Variants in TTC39C observed in about 807,000 individuals in gnomAD.
The protein encoded by TTC39C is tetratricopeptide repeat domain 39C.
In TTC39C, 33 loss-of-function variants were observed where a neutral mutation model predicts 76.3. The observed-to-expected ratio is 0.43, with a 90% CI of 0.33 to 0.58. The LOEUF (loss-of-function observed/expected upper bound fraction) is 0.58. TTC39C is among the 20% of genes least tolerant of loss of function. The pLI is 0.04. For missense variants in TTC39C, 595 were observed against 701.4 expected (o/e 0.85, Z 1.71); for synonymous variants, 254 against 260.6 (o/e 0.97, Z 0.24).
At chr18:24,085,714 C>T (rs968869308) in intron 6 of TTC39C, among the ~76,000 whole-genome samples, 1 of 152,118 alleles carries the variant, frequency 6.6e-6, no homozygotes, top group South Asian at 2.1e-4. Flanking sequence ...GCTAGAACTC[C>T]TTCACAGTTA....
At chr18:24,057,680 C>T (rs1257316792) in intron 1 of TTC39C, among the ~76,000 whole-genome samples, 2 of 152,076 alleles carry the variant, frequency 1.3e-5, no homozygotes, top group African/African-American at 4.8e-5. Context: ...GTGATGGATG[C>T]TTGAATTATT....
chr18:24,076,634 C>T (rs1251881009), intron 4 of TTC39C, among the ~76,000 whole-genome samples: 1 of 151,918 alleles, frequency 6.6e-6, no homozygotes, highest in African/African-American at 2.4e-5. Flanking sequence ...GTTTCAGTGC[C>T]AAGTTGGACG....
chr18:24,118,055 C>T lies in TTC39C; in HGVS notation c.1079-70C>T, dbSNP rs1001657316. 11 of 1,210,148 alleles carry T rather than the reference C, an allele frequency of 9.1e-6. No homozygotes were observed. The African/African-American group carries it at 1.2e-4, about 14-fold the overall frequency. 75.0% of individuals were successfully genotyped at this position (1,210,148 alleles called of 1,614,324 possible). A position where few individuals can be genotyped will look rare whatever the true frequency, so the allele number is the denominator to read the frequency against. ...CAGAGAATGATCGCCATATCAGAGG[C>T]TCGTGGCTTAAATATGGGTCATAGA... On this transcript the variant is annotated intron_variant, in intron 7 of 13. Transcript: ENST00000317571.
chr18:23,994,042 A>G (rs1232759889), intron 1 of TTC39C, among the ~76,000 whole-genome samples: 1 of 152,202 alleles, frequency 6.6e-6, no homozygotes, highest in Non-Finnish European at 1.5e-5. Context: ...AAAACATTTA[A>G]AACTGTTATG....
chr18:24,125,292 A>G, intron 9 of TTC39C, 135 bp from the exon 10 acceptor site: 1 of 1,157,580 alleles, frequency 8.6e-7, no homozygotes, highest in Non-Finnish European at 1.2e-6. Context: ...AGAGAGAAGA[A>G]TTGTTATTCT....
At chr18:24,084,563 A>G (rs1338652156) in intron 6 of TTC39C, among the ~76,000 whole-genome samples, 1 of 151,848 alleles carries the variant, frequency 6.6e-6, no homozygotes, top group Non-Finnish European at 1.5e-5. Context: ...CCTGTGTCCA[A>G]ATTGTTTTTG....
chr18:24,062,455 G>A (rs549191627), intron 1 of TTC39C, among the ~76,000 whole-genome samples: 3 of 152,292 alleles, frequency 2.0e-5, no homozygotes, highest in African/African-American at 7.2e-5. Flanking sequence ...TAGGGTAGGA[G>A]CCCATACTGT....
intron 1 of TTC39C, among the ~76,000 whole-genome samples, chr18:24,041,381 G>A (rs566443540): frequency 6.6e-6 from 1 of 152,210 alleles, no homozygotes; most frequent in South Asian, 2.1e-4. Flanking sequence ...CAGCAAGCTT[G>A]TGTCTGATGG....
chr18:24,132,360 G>A, intron 13 of TTC39C, 125 bp from the exon 14 acceptor site: 1 of 688,112 alleles, frequency 1.5e-6, no homozygotes, highest in Non-Finnish European at 2.3e-6. Flanking sequence ...AAGTGGATGG[G>A]AAACCTTTAC....
chr18:24,098,505 C>T (rs927319002), intron 6 of TTC39C, among the ~76,000 whole-genome samples: 2 of 86,250 alleles, frequency 2.3e-5, no homozygotes, highest in Non-Finnish European at 4.2e-5. Flanking sequence ...CCTATCCTCT[C>T]CTCTCCCCTC....
chr18:24,119,808 T>C (rs747292189), intron 8 of TTC39C, among the ~76,000 whole-genome samples: 4 of 152,192 alleles, frequency 2.6e-5, no homozygotes, highest in Non-Finnish European at 4.4e-5. Flanking sequence ...TGAATCCAGA[T>C]TGAATAGCCC....
At chr18:24,069,629 A>G (rs533326860) in intron 4 of TTC39C, among the ~76,000 whole-genome samples, 1 of 152,228 alleles carries the variant, frequency 6.6e-6, no homozygotes, top group East Asian at 1.9e-4. Context: ...TAAGGTTTTC[A>G]GGAAGTTGTT....
upstream of TTC39C, among the ~76,000 whole-genome samples, chr18:24,012,123 A>G (rs2083398018): frequency 6.6e-6 from 1 of 152,160 alleles, no homozygotes; most frequent in Non-Finnish European, 1.5e-5. Context: ...TACAGCTGCC[A>G]CAAGTATTAC....
At chr18:24,045,561 CTGTATTTCTA>C (rs890394517) in intron 1 of TTC39C, among the ~76,000 whole-genome samples, 10 of 116,804 alleles carry the variant, frequency 8.6e-5, no homozygotes, top group Non-Finnish European at 1.6e-4. Context: ...TTTTCACTGT[CTGTATTTCTA>C]CTCTGGAACG....
At chr18:24,018,122 G>A (rs1392845270) in intron 1 of TTC39C, among the ~76,000 whole-genome samples, 1 of 152,190 alleles carries the variant, frequency 6.6e-6, no homozygotes, top group African/African-American at 2.4e-5. Context: ...TCCCTGGTTG[G>A]GATTTGAAAC....
At chr18:24,031,580 T>C (rs1419497424) in intron 1 of TTC39C, among the ~76,000 whole-genome samples, 1 of 152,172 alleles carries the variant, frequency 6.6e-6, no homozygotes, top group East Asian at 1.9e-4. Flanking sequence ...ATCTGTTGAA[T>C]CCATCCACTT....
chr18:24,027,373 TC>T (rs1364261040), intron 1 of TTC39C, among the ~76,000 whole-genome samples: 2 of 152,248 alleles, frequency 1.3e-5, no homozygotes, highest in Admixed American at 6.5e-5. Context: ...TTTGAGTGCT[TC>T]CCCTCTTCCC....
chr18:24,074,865 G>C (rs974750244), intron 4 of TTC39C, among the ~76,000 whole-genome samples: 11 of 151,958 alleles, frequency 7.2e-5, no homozygotes, highest in Admixed American at 6.6e-4. Flanking sequence ...TGTTTATTGC[G>C]GCACTATTCA....
chr18:24,057,560 TA>T (rs1158533872), intron 1 of TTC39C, among the ~76,000 whole-genome samples: 1 of 152,086 alleles, frequency 6.6e-6, no homozygotes, highest in Non-Finnish European at 1.5e-5. Flanking sequence ...TGGACTCATC[TA>T]GGATATACTC....
Sources: gnomAD v4.1 joint callset for allele counts (sites outside exome capture counted in the v4.1 genomes callset) on GRCh38, gnomAD v4.1.1 for gene constraint, MANE v1.5 for transcripts, NCBI Gene and HGNC (gene_info 2026-07-23, HGNC 2026-07-21) for gene names.